COL5A1: variants seen among roughly 807,000 people sequenced by gnomAD.
COL5A1 encodes the protein collagen type V alpha 1 chain.
A neutral mutation model predicts 263.7 loss-of-function variants in COL5A1; 16 were observed. That is an observed-to-expected ratio of 0.06 (90% CI 0.04 to 0.09). COL5A1 has a LOEUF of 0.09. Among genes scored for constraint, COL5A1 ranks in the 10% least tolerant of loss-of-function variants. The probability of loss-of-function intolerance (pLI) is 1.00; values close to 1 mark genes in which losing one functional copy is unlikely to be tolerated. For missense variants in COL5A1, 2,036 were observed against 2,540.5 expected, an observed-to-expected ratio of 0.80 and a Z score of 4.27; for synonymous variants, 1,012 against 1,004.5, an observed-to-expected ratio of 1.01 and a Z score of -0.14.
chr9:134,806,688 G>A (rs750822318), intron 42 of COL5A1, among the ~76,000 whole-genome samples: 1 of 152,194 alleles, frequency 6.6e-6, no homozygotes, highest in Non-Finnish European at 1.5e-5. Flanking sequence ...TGTGTGGTCG[G>A]GCCACAGCTG....
chr9:134,731,484 C>T lies in COL5A1; in HGVS notation c.1165-12C>T, dbSNP rs992155359. 1.2e-6 allele frequency: 2 copies of T among 1,613,984 alleles called. No homozygotes were observed. The highest frequency in any genetic ancestry group is 1.7e-6 in the Non-Finnish European group (2 of 1,179,972). Reference sequence around the variant, plus strand: ...TTGCGAGGCAACCCTGCGCCTTCCTCTCCCTCTGCAGCCAGCTCCGCCTCC... The same window carrying T: ...TTGCGAGGCAACCCTGCGCCTTCCTTTCCCTCTGCAGCCAGCTCCGCCTCC... On this transcript the variant is annotated splice_polypyrimidine_tract_variant and intron_variant, in intron 7 of 65. Transcript: ENST00000371817.
chr9:134,739,280 C>G (rs1835217101), intron 11 of COL5A1, among the ~76,000 whole-genome samples: 1 of 152,206 alleles, frequency 6.6e-6, no homozygotes, highest in Admixed American at 6.5e-5. Context: ...GGAGGGAGAG[C>G]TGCTCCCTGG....
rs1346677292 is a variant in COL5A1 at position 134,681,166 on chromosome 9, G to A, written c.110-9746G>A. Among the ~76,000 whole-genome samples, 1 of 152,192 alleles carries A rather than the reference G, an allele frequency of 6.6e-6. No individual in the cohort carries two copies. The highest frequency in any genetic ancestry group is 1.5e-5 in the Non-Finnish European group (1 of 68,026). On this transcript the variant is annotated intron_variant, in intron 1 of 65. Coordinates refer to ENST00000371817, the MANE Select transcript of COL5A1 (RefSeq NM_000093.5). This position sits in a 1 kb window ranked among gnomAD's most constrained non-coding sequence, Gnocchi z 4.3. ...TGAGGCCGCCTGCCTTGCAGGGAGG[G>A]CTGGGGTGGGGGGGCCTCAGCCCTG...
chr9:134,840,555 C>T (rs1206340715), intron 65 of COL5A1, among the ~76,000 whole-genome samples: 1 of 152,206 alleles, frequency 6.6e-6, no homozygotes, highest in Non-Finnish European at 1.5e-5. Context: ...ACCCCATGTC[C>T]GAGGGTCAGA....
chr9:134,825,355 G>T (rs1458773720), intron 62 of COL5A1, among the ~76,000 whole-genome samples: 1 of 152,172 alleles, frequency 6.6e-6, no homozygotes, highest in Admixed American at 6.5e-5. Flanking sequence ...GGCACCAATT[G>T]AAGGATAAAT....
rs1832729641 is a variant in COL5A1, at chr9:134,678,032, G to C, written c.110-12880G>C. 6.6e-6 allele frequency among the ~76,000 whole-genome samples: 1 copy of C among 152,226 alleles called. No individual in the cohort carries two copies. Among genetic ancestry groups the C allele is most frequent in the African/African-American group, 2.4e-5 (1 of 41,460 alleles). On this transcript the variant is annotated intron_variant, in intron 1 of 65. Coordinates refer to ENST00000371817, the MANE Select transcript of COL5A1 (RefSeq NM_000093.5). The surrounding 1 kb of genome is among the most constrained non-coding windows in gnomAD (Gnocchi z 5.5). Reference sequence around the variant, plus strand: ...GAACAATTCCGCTCTTCCTCGGATTGAGCCTCGCTCTGCCCTCATCATGGC... The same window carrying C: ...GAACAATTCCGCTCTTCCTCGGATTCAGCCTCGCTCTGCCCTCATCATGGC...
intron 1 of COL5A1, among the ~76,000 whole-genome samples, chr9:134,648,033 C>T (rs1334378102): frequency 6.6e-6 from 1 of 152,048 alleles, no homozygotes; most frequent in Non-Finnish European, 1.5e-5. Context: ...GGAAGGCAGA[C>T]CCACCGTTAA....
intron 63 of COL5A1, among the ~76,000 whole-genome samples, chr9:134,829,644 CCCCGGCCAGGCTCA>C (rs1839507982): frequency 6.7e-6 from 1 of 150,216 alleles, no homozygotes; most frequent in Non-Finnish European, 1.5e-5. Context: ...TCCCCGAGGG[CCCCGGCCAGGCTCA>C]TCCTCACATG....
Position 134,827,224 on chromosome 9 carries a change from A to T in COL5A1, c.5067+1320A>T, listed in dbSNP as rs146596661. On this transcript the variant is annotated intron_variant, in intron 63 of 65. Transcript: ENST00000371817. ...GGGGAAGAGCAGCTACGTTCTCCCC[A>T]GGGACCGCCATCCCCTTACCCCTCA... 2.6e-3 allele frequency among the ~76,000 whole-genome samples: 401 copies of T among 152,288 alleles called. 2 individuals carry two copies. The highest frequency in any genetic ancestry group is 9.4e-3 in the African/African-American group (391 of 41,574).
In COL5A1 at chr9:134,765,257, G is replaced by A. The variant is rs928676324; in HGVS notation, c.2035-424G>A. ...ACCCTGTGATATCATAAAAACAATC[G>A]TATGTCGCTGCGGAGGGGAATTCAG... On this transcript the variant is annotated intron_variant, in intron 20 of 65. Coordinates refer to ENST00000371817, the MANE Select transcript of COL5A1 (RefSeq NM_000093.5). This position sits in a 1 kb window ranked among gnomAD's most constrained non-coding sequence, Gnocchi z 5.1. Among the ~76,000 whole-genome samples, 7 of 152,136 alleles carry A rather than the reference G, an allele frequency of 4.6e-5. No homozygotes were observed. Among genetic ancestry groups the A allele is most frequent in the African/African-American group, 1.7e-4 (7 of 41,436 alleles).
intron 28 of COL5A1, among the ~76,000 whole-genome samples, chr9:134,781,658 C>T (rs1490065665): frequency 2.0e-5 from 3 of 152,234 alleles, no homozygotes; most frequent in African/African-American, 7.2e-5. Flanking sequence ...GAGGGCCACG[C>T]AGGCAGCCCG....
intron 64 of COL5A1, among the ~76,000 whole-genome samples, chr9:134,834,763 G>T (rs1020369397): frequency 6.6e-6 from 1 of 152,194 alleles, no homozygotes; most frequent in African/African-American, 2.4e-5. Context: ...GGCCCTGAAG[G>T]ACATGAGGCA....
At chr9:134,829,922 A>G (rs553894624) in intron 63 of COL5A1, 54 bp from the exon 64 acceptor site, 2 of 1,570,090 alleles carry the variant, frequency 1.3e-6, no homozygotes, top group African/African-American at 2.7e-5. Context: ...AGGCCGGAGA[A>G]GTAACCCTTT....
At chr9:134,661,940 TG>T (rs1832218400) in intron 1 of COL5A1, among the ~76,000 whole-genome samples, 1 of 152,106 alleles carries the variant, frequency 6.6e-6, no homozygotes, top group Non-Finnish European at 1.5e-5. Flanking sequence ...TGGACACGGA[TG>T]CCAGTGTTGT....
chr9:134,733,268 T>A (rs1246042089), intron 9 of COL5A1, among the ~76,000 whole-genome samples: 1 of 152,210 alleles, frequency 6.6e-6, no homozygotes, highest in Non-Finnish European at 1.5e-5. Flanking sequence ...CGGATGGCAC[T>A]TAGCAGGCCT....
intron 1 of COL5A1, among the ~76,000 whole-genome samples, chr9:134,666,477 C>T (rs1832361477): frequency 6.6e-6 from 1 of 152,192 alleles, no homozygotes; most frequent in Admixed American, 6.5e-5. Context: ...CCTTGGGTGT[C>T]AGTGGGCATG....
rs1420581106 is a variant in COL5A1 at position 134,766,983 on chromosome 9, G to T, written c.2134-17G>T. The T allele has an allele frequency of 6.2e-7, 1 of 1,613,088 alleles. No homozygotes were observed. Among genetic ancestry groups the T allele is most frequent in the African/African-American group, 1.3e-5 (1 of 75,054 alleles). On this transcript the variant is annotated splice_polypyrimidine_tract_variant and intron_variant, in intron 22 of 65. Coordinates refer to ENST00000371817, the MANE Select transcript of COL5A1 (RefSeq NM_000093.5). ...TCCCAGAGCCCCCTTCAGTGCCTTT[G>T]CTCTTGTCTCCTGTAGGGTCCCCAG...
intron 18 of COL5A1, among the ~76,000 whole-genome samples, chr9:134,759,808 ACACACG>A: frequency 1.0e-5 from 1 of 99,050 alleles, no homozygotes; most frequent in Non-Finnish European, 1.9e-5. Context: ...CCACACATGC[ACACACG>A]CATACACACC....
intron 42 of COL5A1, among the ~76,000 whole-genome samples, chr9:134,807,835 A>G (rs929606094): frequency 4.6e-5 from 7 of 152,260 alleles, no homozygotes; most frequent in Non-Finnish European, 1.0e-4. Context: ...GTCAGTGTAT[A>G]GAGTGCACAC....
Sources: gnomAD v4.1 joint callset for allele counts (sites outside exome capture counted in the v4.1 genomes callset) on GRCh38, gnomAD v4.1.1 for gene constraint, Gnocchi (gnomAD v3.1) non-coding constraint, MANE v1.5 for transcripts, NCBI Gene and HGNC (gene_info 2026-07-23, HGNC 2026-07-21) for gene names.